Variants in NRG3 observed in about 807,000 individuals in gnomAD.
The protein encoded by NRG3 is neuregulin 3, also known as pro-neuregulin-3, membrane-bound isoform.
A neutral mutation model predicts 66.9 loss-of-function variants in NRG3; 31 were observed. The observed-to-expected ratio is 0.46, with a 90% CI of 0.35 to 0.63. The LOEUF is 0.63. Among genes scored for constraint, NRG3 ranks in the 20% least tolerant of loss-of-function variants. NRG3 has a pLI of 0.00. For synonymous variants in NRG3, 393 were observed against 359.4 expected, an observed-to-expected ratio of 1.09 and a Z score of -1.06; for missense variants, 910 against 878.9, an observed-to-expected ratio of 1.04 and a Z score of -0.45.
intron 2 of NRG3, among the ~76,000 whole-genome samples, chr10:82,389,882 G>A (rs1285598160): frequency 6.6e-6 from 1 of 152,152 alleles, no homozygotes; most frequent in Non-Finnish European, 1.5e-5. Flanking sequence ...ACTCTCAATT[G>A]TGAAAGTTAA....
chr10:82,880,894 A>G (rs1842244098), intron 4 of NRG3, among the ~76,000 whole-genome samples: 1 of 152,198 alleles, frequency 6.6e-6, no homozygotes, highest in South Asian at 2.1e-4. Flanking sequence ...GGCCATGAGC[A>G]CAGTAAGGAG....
intron 1 of NRG3, among the ~76,000 whole-genome samples, chr10:82,231,547 C>T (rs1254842879): frequency 6.6e-6 from 1 of 151,418 alleles, no homozygotes; most frequent in Non-Finnish European, 1.5e-5. Context: ...AAAATATCTA[C>T]CATATTAATA....
At chr10:82,807,372 G>A (rs1371267893) in intron 3 of NRG3, among the ~76,000 whole-genome samples, 1 of 152,166 alleles carries the variant, frequency 6.6e-6, no homozygotes, top group African/African-American at 2.4e-5. Flanking sequence ...TGACAGTCAT[G>A]AATACCTACT....
chr10:82,678,639 G>T (rs1238080855), intron 2 of NRG3, among the ~76,000 whole-genome samples: 1 of 152,168 alleles, frequency 6.6e-6, no homozygotes, highest in South Asian at 2.1e-4. Flanking sequence ...TGTGACAACT[G>T]CCTGACCATC....
chr10:81,965,081 T>C (rs577565953), intron 1 of NRG3, among the ~76,000 whole-genome samples: 1 of 152,232 alleles, frequency 6.6e-6, no homozygotes, highest in South Asian at 2.1e-4. Flanking sequence ...AATACAAGGG[T>C]AAAGAAAACA....
chr10:82,366,139 C>CA (rs1268411754), intron 2 of NRG3, among the ~76,000 whole-genome samples: 1 of 152,102 alleles, frequency 6.6e-6, no homozygotes, highest in Non-Finnish European at 1.5e-5. Flanking sequence ...TCAGAACCTT[C>CA]AATATTTAAT....
intron 1 of NRG3, among the ~76,000 whole-genome samples, chr10:81,998,409 A>T (rs1412104552): frequency 6.6e-6 from 1 of 152,090 alleles, no homozygotes; most frequent in East Asian, 1.9e-4. Flanking sequence ...GGCCACTCTG[A>T]TTCTAGGAAC....
intron 2 of NRG3, among the ~76,000 whole-genome samples, chr10:82,571,246 A>G (rs2045717666): frequency 6.6e-6 from 1 of 151,668 alleles, no homozygotes; most frequent in South Asian, 2.1e-4. Flanking sequence ...TAAGAAATAT[A>G]CAAATAGGCC....
chr10:82,770,392 A>T (rs754617469), intron 3 of NRG3, among the ~76,000 whole-genome samples: 9 of 152,294 alleles, frequency 5.9e-5, no homozygotes, highest in Middle Eastern at 6.8e-3. Context: ...TGTTGTGAAC[A>T]AAGTCACGTT....
intron 6 of NRG3, among the ~76,000 whole-genome samples, chr10:82,967,853 C>T (rs1851350911): frequency 6.6e-6 from 1 of 152,166 alleles, no homozygotes. Flanking sequence ...GGAGGTCAAA[C>T]CCATGGAAGT....
intron 4 of NRG3, among the ~76,000 whole-genome samples, chr10:82,868,253 A>G (rs1373731391): frequency 2.0e-5 from 3 of 152,196 alleles, no homozygotes; most frequent in African/African-American, 4.8e-5. Flanking sequence ...TATAGATGCA[A>G]TCTATGTATT....
intron 3 of NRG3, among the ~76,000 whole-genome samples, chr10:82,852,072 G>C (rs571856225): frequency 6.6e-6 from 1 of 152,296 alleles, no homozygotes; most frequent in South Asian, 2.1e-4. Flanking sequence ...GAATTGGAAA[G>C]GGAATGTGGG....
chr10:82,558,684 A>G (rs932903299), intron 2 of NRG3, among the ~76,000 whole-genome samples: 4 of 152,188 alleles, frequency 2.6e-5, no homozygotes, highest in Non-Finnish European at 5.9e-5. Flanking sequence ...TCAAATTCGC[A>G]TTTCTCTAAA....
intron 2 of NRG3, among the ~76,000 whole-genome samples, chr10:82,411,679 C>T (rs953014656): frequency 6.6e-6 from 1 of 152,114 alleles, no homozygotes; most frequent in Non-Finnish European, 1.5e-5. Context: ...AAGTGAATAA[C>T]TGTTTGAGAA....
chr10:82,535,409 A>G (rs1362757911), intron 2 of NRG3, among the ~76,000 whole-genome samples: 2 of 151,906 alleles, frequency 1.3e-5, no homozygotes, highest in Non-Finnish European at 2.9e-5. Flanking sequence ...TACCAAACAC[A>G]TTTTTGGAAA....
At chr10:82,850,307 T>G (rs1421223635) in intron 3 of NRG3, among the ~76,000 whole-genome samples, 1 of 152,112 alleles carries the variant, frequency 6.6e-6, no homozygotes, top group Non-Finnish European at 1.5e-5. Flanking sequence ...CATTACAAGA[T>G]TCACTCCTCC....
intron 1 of NRG3, among the ~76,000 whole-genome samples, chr10:81,926,451 G>A (rs957797265): frequency 2.0e-5 from 3 of 151,962 alleles, no homozygotes; most frequent in Admixed American, 6.6e-5. Flanking sequence ...GAGAATATCC[G>A]GTTAAGCTAG....
intron 4 of NRG3, among the ~76,000 whole-genome samples, chr10:82,876,522 A>G (rs577343398): frequency 2.0e-5 from 3 of 152,216 alleles, no homozygotes; most frequent in Non-Finnish European, 4.4e-5. Flanking sequence ...TTTGTCAGAG[A>G]GCAAGTCTAA....
chr10:82,879,285 T>C (rs144186614), intron 4 of NRG3, among the ~76,000 whole-genome samples: 296 of 152,208 alleles, frequency 1.9e-3, no homozygotes, highest in African/African-American at 6.8e-3. Context: ...TAAATGTAAA[T>C]AGTATATGTT....
Sources: allele counts gnomAD v4.1 joint callset (sites outside exome capture counted in the v4.1 genomes callset), GRCh38; gene constraint gnomAD v4.1.1; transcripts MANE v1.5; gene names NCBI Gene and HGNC (gene_info 2026-07-23, HGNC 2026-07-21).